TNRC6A: variants seen among roughly 807,000 people sequenced by gnomAD.
TNRC6A encodes trinucleotide repeat containing adaptor 6A.
Under a neutral mutation model 221.2 loss-of-function variants are expected in TNRC6A, and 44 were observed. That is an observed-to-expected ratio of 0.20 (90% CI 0.16 to 0.26). The LOEUF is 0.26. TNRC6A is among the 10% of genes least tolerant of loss of function. The pLI, the probability that TNRC6A is intolerant of heterozygous loss-of-function variation, is 1.00. For missense variants in TNRC6A, 2,199 were observed against 2,404.4 expected (o/e 0.91, Z 1.79); for synonymous variants, 847 against 838.5 (o/e 1.01, Z -0.18).
In TNRC6A at chr16:24,823,088, G is replaced by C; in HGVS notation, c.5513+75G>C. 1.3e-6 allele frequency: 2 copies of C among 1,585,116 alleles called. No individual in the cohort carries two copies. The highest frequency in any genetic ancestry group is 8.6e-7 in the Non-Finnish European group (1 of 1,157,864). ...TGAGAGCACAGCCTGACCCGGGGCA[G>C]TGCACAGGGTCCTGCGTGGGTGGCT... On this transcript the variant is annotated intron_variant, in intron 24 of 24. Coordinates refer to ENST00000395799, the MANE Select transcript of TNRC6A (RefSeq NM_014494.4). The surrounding 1 kb of genome is among the most constrained non-coding windows in gnomAD (Gnocchi z 4.3).
chr16:24,628,127 A>C (rs993784390), intron 1 of TNRC6A, among the ~76,000 whole-genome samples: 2 of 152,024 alleles, frequency 1.3e-5, no homozygotes, highest in Non-Finnish European at 2.9e-5. Flanking sequence ...GATTGTTTTC[A>C]ATAAAAGTCA....
chr16:24,806,945 G>C (rs1031254001), intron 17 of TNRC6A, among the ~76,000 whole-genome samples, 161 bp downstream of exon 17: 1 of 151,734 alleles, frequency 6.6e-6, no homozygotes, highest in African/African-American at 2.4e-5. Context: ...GTTTTAACCT[G>C]CTCCACATTC....
chr16:24,674,415 T>C (rs1255103956), intron 2 of TNRC6A, among the ~76,000 whole-genome samples: 2 of 151,948 alleles, frequency 1.3e-5, no homozygotes, highest in African/African-American at 2.4e-5. Context: ...AAACTATATA[T>C]AGATATATAA....
At chr16:24,771,830 G>C (rs560037937) in intron 4 of TNRC6A, among the ~76,000 whole-genome samples, 1 of 152,122 alleles carries the variant, frequency 6.6e-6, no homozygotes, top group South Asian at 2.1e-4. Flanking sequence ...CTATTCCTCT[G>C]TGAGCCTATT....
At chr16:24,669,814 T>TA (rs1228703896) in intron 2 of TNRC6A, among the ~76,000 whole-genome samples, 1 of 151,844 alleles carries the variant, frequency 6.6e-6, no homozygotes, top group Non-Finnish European at 1.5e-5. Context: ...GCACCAACAG[T>TA]AATAGAAGTA....
chr16:24,813,848 A>G (rs926681497), intron 18 of TNRC6A, among the ~76,000 whole-genome samples: 43 of 152,374 alleles, frequency 2.8e-4, no homozygotes, highest in African/African-American at 9.1e-4. Context: ...TGAAGTTTTC[A>G]TAAGTGGAAA....
intron 4 of TNRC6A, among the ~76,000 whole-genome samples, chr16:24,773,617 T>G (rs1241934585): frequency 6.6e-6 from 1 of 152,242 alleles, no homozygotes; most frequent in Non-Finnish European, 1.5e-5. Context: ...TTACCTGTTT[T>G]CAAGATACAT....
chr16:24,780,455 A>G (rs930933170), intron 5 of TNRC6A, among the ~76,000 whole-genome samples: 4 of 152,262 alleles, frequency 2.6e-5, no homozygotes, highest in Admixed American at 6.5e-5. Context: ...ATCTTCTGAT[A>G]GTTTATATCC....
chr16:24,663,071 A>G (rs959646882), intron 2 of TNRC6A: 1 of 153,790 alleles, frequency 6.5e-6, no homozygotes, highest in Non-Finnish European at 1.5e-5. Context: ...GCCTTGCAAG[A>G]GGCAAGCAGG....
At position 24,794,659 on chromosome 16, in the gene TNRC6A, A is replaced by G. The variant is rs762099879; in HGVS notation, c.3468A>G (p.Ser1156=). The G allele has an allele frequency of 3.7e-6, 6 of 1,614,026 alleles. No homozygotes were observed. Among genetic ancestry groups the G allele is most frequent in the Non-Finnish European group, 5.1e-6 (6 of 1,179,914 alleles). Residue 1156 remains serine (S), a synonymous_variant, in exon 8 of 25, where the codon TCA becomes TCG. Transcript: ENST00000395799. ...DVEIGMWNSN[S]SQELNSSLNW... is the part of the protein sequence containing the mutation. Reference sequence around the variant, plus strand: ...AGATTGGAATGTGGAATAGTAATTCATCTCAAGAGCTTAACTCATCTTTAA... The same window carrying G: ...AGATTGGAATGTGGAATAGTAATTCGTCTCAAGAGCTTAACTCATCTTTAA...
intron 2 of TNRC6A, among the ~76,000 whole-genome samples, chr16:24,740,435 G>A (rs2056867427): frequency 6.6e-6 from 1 of 152,046 alleles, no homozygotes; most frequent in South Asian, 2.1e-4. Flanking sequence ...TCCAGTTCAC[G>A]AACATGGAAT....
At chr16:24,772,655 C>T (rs1027485426) in intron 4 of TNRC6A, among the ~76,000 whole-genome samples, 9 of 152,110 alleles carry the variant, frequency 5.9e-5, no homozygotes, top group African/African-American at 1.9e-4. Flanking sequence ...TGGTGGCACA[C>T]ACCTGTAATC....
At chr16:24,687,280 G>A (rs970251610) in intron 2 of TNRC6A, among the ~76,000 whole-genome samples, 1 of 152,142 alleles carries the variant, frequency 6.6e-6, no homozygotes, top group Admixed American at 6.6e-5. Flanking sequence ...GAGATCATGT[G>A]TGCCTCCTTT....
intron 2 of TNRC6A, among the ~76,000 whole-genome samples, chr16:24,722,357 C>T (rs536729917): frequency 1.6e-4 from 24 of 152,196 alleles, no homozygotes; most frequent in East Asian, 5.8e-4. Context: ...GAGGCTGCAA[C>T]GAGCTATGAT....
chr16:24,712,203 G>A (rs539884231), intron 2 of TNRC6A, among the ~76,000 whole-genome samples: 13 of 151,296 alleles, frequency 8.6e-5, no homozygotes, highest in African/African-American at 4.9e-5. Flanking sequence ...TCCAAGGCTG[G>A]AGTGCAGTAG....
intron 2 of TNRC6A, among the ~76,000 whole-genome samples, chr16:24,684,901 C>T (rs1432312582): frequency 1.3e-5 from 2 of 152,218 alleles, no homozygotes; most frequent in Non-Finnish European, 2.9e-5. Flanking sequence ...GCACATGAAA[C>T]TTCACTTTCT....
intron 2 of TNRC6A, chr16:24,665,098 C>A (rs966829805): frequency 4.9e-6 from 2 of 411,532 alleles, no homozygotes; most frequent in Non-Finnish European, 9.9e-6. Flanking sequence ...CAAGGTCTCA[C>A]TCTGTTGCCT....
intron 5 of TNRC6A, among the ~76,000 whole-genome samples, chr16:24,780,688 G>T (rs959127149): frequency 6.6e-6 from 1 of 151,918 alleles, no homozygotes; most frequent in South Asian, 2.1e-4. Context: ...TATTAGTAAC[G>T]CATTTCTTAA....
intron 2 of TNRC6A, among the ~76,000 whole-genome samples, chr16:24,738,579 G>A (rs200535): frequency 0.19 from 29,174 of 152,152 alleles, 3,325 homozygotes; most frequent in South Asian, 0.29. Context: ...CTTATTTAGT[G>A]TAGTGTTTTC....
Sources: allele counts gnomAD v4.1 joint callset (sites outside exome capture counted in the v4.1 genomes callset), GRCh38; gene constraint gnomAD v4.1.1; non-coding constraint Gnocchi (gnomAD v3.1); transcripts MANE v1.5; gene names NCBI Gene and HGNC (gene_info 2026-07-23, HGNC 2026-07-21).